Variants in ZNF608 observed in about 807,000 individuals in gnomAD.
ZNF608 encodes the protein renal carcinoma antigen NY-REN-36.
In ZNF608, 12 loss-of-function variants were observed where a neutral mutation model predicts 109.0. The ratio of observed to expected loss-of-function variants is 0.11; its 90% CI spans 0.07 to 0.18. ZNF608 has a LOEUF of 0.18. Ranked by LOEUF, ZNF608 falls within the 10% of genes least tolerant of loss-of-function variation. The pLI is 1.00. For missense variants in ZNF608, 1,707 were observed against 1,879.3 expected (o/e 0.91, Z 1.70); for synonymous variants, 732 against 717.4 (o/e 1.02, Z -0.33).
chr5:124,666,029 G>A (rs186600381), intron 3 of ZNF608, among the ~76,000 whole-genome samples: 70 of 152,338 alleles, frequency 4.6e-4, no homozygotes, highest in African/African-American at 1.6e-3. Context: ...GGGCATGTAC[G>A]TTTGTGCGTA....
chr5:124,719,179 C>T (rs1238760916), intron 2 of ZNF608, among the ~76,000 whole-genome samples: 1 of 152,162 alleles, frequency 6.6e-6, no homozygotes, highest in African/African-American at 2.4e-5. Context: ...GATATTTCTG[C>T]AATTAGAATT....
Position 124,744,146 on chromosome 5 carries a change from C to T in ZNF608, c.844G>A (p.Val282Ile). The T allele has an allele frequency of 1.2e-6, 2 of 1,611,884 alleles. No homozygotes were observed. Among genetic ancestry groups the T allele is most frequent in the Non-Finnish European group, 1.7e-6 (2 of 1,179,194 alleles). Residue 282 changes from valine to isoleucine, a missense_variant, in exon 2 of 10, where the codon GTA becomes ATA. By Grantham distance (29) the Val-to-Ile change is conservative. Around this residue, in one of 7 missense-constraint regions of ZNF608, gnomAD observed 407 missense variants for 398.7 expected, o/e 1.02. Transcript: ENST00000513986. This position sits in a 1 kb window ranked among gnomAD's most constrained non-coding sequence, Gnocchi z 4.5. ...DSGLMGNSML[V>I]KKEEEEEESH... is the part of the protein sequence containing the mutation. ...TCCTCCTCCTCCTCTTCCTTCTTTACCAACATAGAGTTTCCCATGAGCCCT... is the reference window on the plus strand; with the variant it reads ...TCCTCCTCCTCCTCTTCCTTCTTTATCAACATAGAGTTTCCCATGAGCCCT...
chr5:124,646,608 C>G, intron 5 of ZNF608, 71 bp downstream of exon 5: 1 of 1,512,236 alleles, frequency 6.6e-7, no homozygotes, highest in Non-Finnish European at 8.8e-7. Flanking sequence ...CTAACCAGAT[C>G]AAGCCCAGAC....
intron 2 of ZNF608, among the ~76,000 whole-genome samples, chr5:124,739,235 C>T (rs796456000): frequency 2.0e-5 from 3 of 152,114 alleles, no homozygotes; most frequent in South Asian, 2.1e-4. Flanking sequence ...AAACAAAGGC[C>T]GGATAATGTT....
intron 2 of ZNF608, among the ~76,000 whole-genome samples, chr5:124,715,568 T>C (rs1409734263): frequency 6.6e-6 from 1 of 152,204 alleles, no homozygotes; most frequent in Non-Finnish European, 1.5e-5. Flanking sequence ...ATGATTTAAA[T>C]CAGTCAAGAA....
chr5:124,706,338 T>C (rs186450059), intron 2 of ZNF608, among the ~76,000 whole-genome samples: 23 of 152,184 alleles, frequency 1.5e-4, no homozygotes, highest in African/African-American at 5.5e-4. Flanking sequence ...TGGTAGAAGG[T>C]AGCACTCAAT....
chr5:124,709,848 A>T lies in ZNF608; in HGVS notation c.907-8579T>A, dbSNP rs185556572. Among the ~76,000 whole-genome samples, 518 of 152,364 alleles carry T rather than the reference A, an allele frequency of 3.4e-3. 3 individuals carry two copies. The highest frequency in any genetic ancestry group is 4.1e-3 in the Non-Finnish European group (277 of 68,024). On this transcript the variant is annotated intron_variant, in intron 2 of 9. Transcript: ENST00000513986. ...GAGACCATCGTAAAGGCACTAAAAA[A>T]GCCTGTGTTCTTGGATTAATCCTTT...
intron 5 of ZNF608, among the ~76,000 whole-genome samples, chr5:124,645,822 T>C (rs999601646): frequency 6.6e-6 from 1 of 151,978 alleles, no homozygotes; most frequent in African/African-American, 2.4e-5. Flanking sequence ...GGGTACTTAA[T>C]ATAGGGAGTA....
intron 2 of ZNF608, among the ~76,000 whole-genome samples, chr5:124,722,378 G>A (rs1297054313): frequency 1.3e-5 from 2 of 152,166 alleles, no homozygotes; most frequent in Non-Finnish European, 2.9e-5. Context: ...GTGCAGGGAT[G>A]TTTCTGCCCT....
intron 2 of ZNF608, among the ~76,000 whole-genome samples, chr5:124,727,676 C>G (rs1036839708): frequency 1.6e-5 from 2 of 126,558 alleles, no homozygotes; most frequent in African/African-American, 3.0e-5. Flanking sequence ...AAAAACCACA[C>G]ACATCAGATA....
chr5:124,746,402 C>A lies in ZNF608; in HGVS notation c.-391G>T, dbSNP rs1749641658. On this transcript the variant is annotated 5_prime_UTR_variant, in exon 1 of 10. Coordinates refer to ENST00000513986, the MANE Select transcript of ZNF608 (RefSeq NM_020747.3). ...TTTTGGCAAACGAATCAGTCCTTTT[C>A]TCCTTAAAAAAAATGTGTCACTGTA... The A allele has an allele frequency of 6.1e-6, 6 of 985,278 alleles. No individual in the cohort carries two copies. Among genetic ancestry groups the A allele is most frequent in the Non-Finnish European group, 7.2e-6 (6 of 829,926 alleles). 61.0% of individuals were successfully genotyped at this position (985,278 alleles called of 1,614,324 possible). A position where few individuals can be genotyped will look rare whatever the true frequency, so the allele number is the denominator to read the frequency against.
intron 3 of ZNF608, among the ~76,000 whole-genome samples, chr5:124,700,660 A>G (rs1231391634): frequency 1.3e-5 from 2 of 152,248 alleles, no homozygotes; most frequent in Non-Finnish European, 2.9e-5. Context: ...CAAGACAGAC[A>G]CATTTGTTGG....
intron 2 of ZNF608, among the ~76,000 whole-genome samples, chr5:124,715,697 A>G (rs1394904244): frequency 6.6e-6 from 1 of 152,174 alleles, no homozygotes; most frequent in Non-Finnish European, 1.5e-5. Context: ...AGAAAATATT[A>G]TTTTTAAGTG....
At chr5:124,681,136 C>G (rs1340926649) in intron 3 of ZNF608, among the ~76,000 whole-genome samples, 1 of 151,996 alleles carries the variant, frequency 6.6e-6, no homozygotes, top group Non-Finnish European at 1.5e-5. Context: ...ACAAGAGGAC[C>G]AAGCTCAGAA....
chr5:124,686,032 T>G (rs1198680701), intron 3 of ZNF608, among the ~76,000 whole-genome samples: 2 of 152,234 alleles, frequency 1.3e-5, no homozygotes, highest in African/African-American at 4.8e-5. Context: ...GTATGGCTGA[T>G]GATATTTATT....
At position 124,647,963 on chromosome 5, in the gene ZNF608, T is replaced by C; in HGVS notation, c.2421A>G (p.Ser807=). 1 of 1,614,254 alleles carries C rather than the reference T, an allele frequency of 6.2e-7. No individual in the cohort carries two copies. The highest frequency in any genetic ancestry group is 1.6e-4 in the Middle Eastern group (1 of 6,062). The change falls in exon 5 of 10, where the codon TCA becomes TCG. Residue 807 remains serine (S), a synonymous_variant. Transcript: ENST00000513986. The part of the protein sequence containing the change: ...EPITVNPALV[S]LKDKKKKEKR... ...TCTCCTTTTTCTTTTTGTCTTTGAG[T>C]GACACCAGAGCTGGGTTCACGGTGA...
chr5:124,638,856 T>C, intron 9 of ZNF608: 1 of 1,132,572 alleles, frequency 8.8e-7, no homozygotes, highest in Non-Finnish European at 1.1e-6. Context: ...GGAGTCATGG[T>C]GAATTATTTT....
At position 124,637,375 on chromosome 5, in the gene ZNF608, C is replaced by T. The variant is rs968247171; in HGVS notation, c.*525G>A. On this transcript the variant is annotated 3_prime_UTR_variant, in exon 10 of 10. Coordinates refer to ENST00000513986, the MANE Select transcript of ZNF608 (RefSeq NM_020747.3). ...ACTGGTGCGTCTTTAACAGGAGCCA[C>T]CAAATAGACATCTAAATTGTACCAA... is the stretch of plus-strand genomic sequence containing the variant. 6.6e-6 allele frequency: 1 copy of T among 152,498 alleles called. No homozygotes were observed. The highest frequency in any genetic ancestry group is 1.5e-5 in the Non-Finnish European group (1 of 68,018). 9.4% of individuals were successfully genotyped at this position (152,498 alleles called of 1,614,324 possible).
chr5:124,676,914 G>C (rs1041871848), intron 3 of ZNF608, among the ~76,000 whole-genome samples: 1 of 152,172 alleles, frequency 6.6e-6, no homozygotes, highest in Non-Finnish European at 1.5e-5. Flanking sequence ...ACAAAATTCA[G>C]GATAGCGGCT....
Sources: gnomAD v4.1 joint callset for allele counts (sites outside exome capture counted in the v4.1 genomes callset) on GRCh38, gnomAD v4.1.1 for gene constraint, gnomAD v4.1.1 regional missense constraint, Gnocchi (gnomAD v3.1) non-coding constraint, MANE v1.5 for transcripts, NCBI Gene and HGNC (gene_info 2026-07-23, HGNC 2026-07-21) for gene names.